Variants in SYN3 observed in about 807,000 individuals in gnomAD.
The protein encoded by SYN3 is synapsin-3.
Under a neutral mutation model 65.8 loss-of-function variants are expected in SYN3, and 35 were observed. The observed-to-expected ratio is 0.53, with a 90% CI of 0.41 to 0.70. The LOEUF is 0.70. Among genes scored for constraint, SYN3 ranks in the 30% least tolerant of loss-of-function variants. SYN3 has a pLI of 0.00. For missense variants in SYN3, 680 were observed against 749.0 expected, an observed-to-expected ratio of 0.91 and a Z score of 1.08; for synonymous variants, 270 against 292.9, an observed-to-expected ratio of 0.92 and a Z score of 0.80.
chr22:32,520,580 C>T (rs1253027702), intron 12 of SYN3, among the ~76,000 whole-genome samples: 2 of 152,210 alleles, frequency 1.3e-5, no homozygotes, highest in Non-Finnish European at 2.9e-5. Flanking sequence ...ATGAAAACTA[C>T]ACCACGCAGG....
intron 6 of SYN3, among the ~76,000 whole-genome samples, chr22:32,630,349 C>T (rs978450244): frequency 2.0e-4 from 30 of 152,196 alleles, no homozygotes; most frequent in African/African-American, 6.8e-4. Context: ...GATCCTCCTG[C>T]CTCAGCCTTC....
At chr22:32,569,194 T>C (rs1412942399) in intron 7 of SYN3, among the ~76,000 whole-genome samples, 4 of 152,150 alleles carry the variant, frequency 2.6e-5, no homozygotes, top group Admixed American at 2.6e-4. Flanking sequence ...CCTCAGAGAG[T>C]TGGGAGGATT....
At chr22:32,859,685 G>A in intron 6 of SYN3, 1 of 332,192 alleles carries the variant, frequency 3.0e-6, no homozygotes. Flanking sequence ...ATTTTTTTAG[G>A]AAAACAAAAA....
At chr22:32,776,355 C>T (rs748043791) in intron 6 of SYN3, among the ~76,000 whole-genome samples, 1 of 152,146 alleles carries the variant, frequency 6.6e-6, no homozygotes, top group South Asian at 2.1e-4. Context: ...AAACACACAC[C>T]CATTATCTCG....
intron 1 of SYN3, among the ~76,000 whole-genome samples, chr22:33,031,922 T>A (rs879602868): frequency 6.6e-6 from 1 of 151,988 alleles, no homozygotes; most frequent in African/African-American, 2.4e-5. Flanking sequence ...GAAAAAGAGA[T>A]CATTGGCCAG....
intron 6 of SYN3, among the ~76,000 whole-genome samples, chr22:32,633,318 A>G (rs1301558199): frequency 6.6e-6 from 1 of 152,226 alleles, no homozygotes; most frequent in Non-Finnish European, 1.5e-5. Flanking sequence ...TCCGAGGAAC[A>G]GTGACTTGTC....
intron 1 of SYN3, among the ~76,000 whole-genome samples, chr22:33,009,173 G>A (rs1044298038): frequency 6.6e-6 from 1 of 152,006 alleles, no homozygotes; most frequent in Non-Finnish European, 1.5e-5. Context: ...GGGTCATGGG[G>A]TAAGTGTATG....
chr22:32,850,774 C>CT lies in SYN3; in HGVS notation c.711+14140dup, dbSNP rs142628718. ...AGTGACTTGGTGAATGCTTATCTGTCTAATACGGGCATGAGGGTGAGACCC... is the reference window on the plus strand; with the variant it reads ...AGTGACTTGGTGAATGCTTATCTGTCTTAATACGGGCATGAGGGTGAGACCC... On this transcript the variant is annotated intron_variant, in intron 6 of 13. Coordinates refer to ENST00000358763, the MANE Select transcript of SYN3 (RefSeq NM_003490.4). 5.2e-3 allele frequency among the ~76,000 whole-genome samples: 799 copies of CT among 152,236 alleles called. 5 individuals carry two copies. Among genetic ancestry groups the CT allele is most frequent in the Middle Eastern group, 0.017 (5 of 294 alleles).
Position 32,767,666 on chromosome 22 carries a change from C to T in SYN3, c.711+97249G>A, listed in dbSNP as rs575730152. ...CTTACATTGTTGCAGATGAGTAATC[C>T]GGTATCAGCTTTCTTTTCTTTTATT... On this transcript the variant is annotated intron_variant, in intron 6 of 13. Transcript: ENST00000358763. Among the ~76,000 whole-genome samples the T allele has an allele frequency of 8.7e-4, 132 of 152,216 alleles. 1 individual carries two copies. The highest frequency in any genetic ancestry group is 1.7e-3 in the South Asian group (8 of 4,828).
chr22:32,938,430 T>C (rs1172746347), intron 3 of SYN3, among the ~76,000 whole-genome samples: 4 of 149,062 alleles, frequency 2.7e-5, no homozygotes, highest in South Asian at 4.2e-4. Context: ...CTCGGGAGGC[T>C]GAGACAGGAG....
chr22:32,901,832 C>T (rs577939477), intron 4 of SYN3, among the ~76,000 whole-genome samples: 1 of 152,376 alleles, frequency 6.6e-6, no homozygotes, highest in Middle Eastern at 3.4e-3. Context: ...CCAAGGGCCA[C>T]ATGGCCTTTC....
chr22:33,052,432 T>A (rs933974781), intron 1 of SYN3, among the ~76,000 whole-genome samples: 1 of 151,974 alleles, frequency 6.6e-6, no homozygotes, highest in African/African-American at 2.4e-5. Context: ...CTCCTTCTCC[T>A]CCTCCGTAGT....
At chr22:32,807,824 A>G (rs1218322484) in intron 6 of SYN3, among the ~76,000 whole-genome samples, 1 of 152,062 alleles carries the variant, frequency 6.6e-6, no homozygotes, top group Non-Finnish European at 1.5e-5. Context: ...GTTCCTGCCA[A>G]TTTGGCCTCC....
At chr22:32,536,347 G>A (rs968059806) in intron 9 of SYN3, among the ~76,000 whole-genome samples, 5 of 152,236 alleles carry the variant, frequency 3.3e-5, no homozygotes, top group African/African-American at 1.2e-4. Context: ...GGAAGGACAG[G>A]TGTTCCTCCC....
rs1555895619 is a variant in SYN3, at chr22:32,556,804, G to GTTTT, written c.775-15095_775-15092dup. Among the ~76,000 whole-genome samples the GTTTT allele has an allele frequency of 2.3e-4, 10 of 43,872 alleles. 1 individual carries two copies. Among genetic ancestry groups the GTTTT allele is most frequent in the Admixed American group, 6.7e-4 (2 of 2,980 alleles). 28.8% of individuals were successfully genotyped at this position (43,872 alleles called of 152,430 possible). On this transcript the variant is annotated intron_variant, in intron 7 of 13. Transcript: ENST00000358763. The stretch of plus-strand genomic sequence containing the variant: ...AATGACCCAATCTATAGGTTTCCTG[G>GTTTT]TTTTTTTTTTTTTTTTTTTTTTTTT...
At chr22:32,918,865 T>C (rs1166310100) in intron 4 of SYN3, among the ~76,000 whole-genome samples, 2 of 151,880 alleles carry the variant, frequency 1.3e-5, no homozygotes, top group African/African-American at 4.8e-5. Flanking sequence ...AAATAGGGAG[T>C]GACTGATCGA....
At position 32,674,969 on chromosome 22, in the gene SYN3, G is replaced by A. The variant is rs930621484; in HGVS notation, c.712-78233C>T. 1.6e-3 allele frequency among the ~76,000 whole-genome samples: 240 copies of A among 152,310 alleles called. 1 individual carries two copies. Among genetic ancestry groups the A allele is most frequent in the African/African-American group, 5.5e-3 (227 of 41,568 alleles). On this transcript the variant is annotated intron_variant, in intron 6 of 13. Coordinates refer to ENST00000358763, the MANE Select transcript of SYN3 (RefSeq NM_003490.4). ...GGACTCATGCAGAAACTGAGACTCA[G>A]AGAGGTAACAGATGTACCCCTTGTC...
chr22:32,714,169 T>G (rs1050355309), intron 6 of SYN3, among the ~76,000 whole-genome samples: 1 of 152,196 alleles, frequency 6.6e-6, no homozygotes, highest in Admixed American at 6.5e-5. Flanking sequence ...GGTTTGGATT[T>G]CAGCTGAAAT....
chr22:32,935,331 C>T (rs181931644), intron 3 of SYN3, among the ~76,000 whole-genome samples: 3 of 151,266 alleles, frequency 2.0e-5, no homozygotes, highest in African/African-American at 7.3e-5. Context: ...CACAAAATAA[C>T]AAATTAGTTA....
Sources: gnomAD v4.1 joint callset for allele counts (sites outside exome capture counted in the v4.1 genomes callset) on GRCh38, gnomAD v4.1.1 for gene constraint, MANE v1.5 for transcripts, NCBI Gene and HGNC (gene_info 2026-07-23, HGNC 2026-07-21) for gene names.